RGS7: variants seen among roughly 807,000 people sequenced by gnomAD.
The protein encoded by RGS7 is regulator of G protein signaling 7, also known as regulator of G-protein signaling 7.
In RGS7, 27 loss-of-function variants were observed where a neutral mutation model predicts 81.1. The observed-to-expected ratio is 0.33, with a 90% CI of 0.25 to 0.46. The LOEUF is 0.46. Among genes scored for constraint, RGS7 ranks in the 20% least tolerant of loss-of-function variants. The pLI, the probability that RGS7 is intolerant of heterozygous loss-of-function variation, is 1.00. For synonymous variants in RGS7, 208 were observed against 207.7 expected (o/e 1.00, Z -0.01); for missense variants, 396 against 607.4 (o/e 0.65, Z 3.66).
intron 2 of RGS7, among the ~76,000 whole-genome samples, chr1:241,301,691 T>C (rs1051957046): frequency 1.3e-5 from 2 of 152,362 alleles, no homozygotes. Context: ...CTGATCTAAC[T>C]ATAATTCTTT....
chr1:241,307,008 G>A (rs2080215935), intron 2 of RGS7, among the ~76,000 whole-genome samples: 1 of 152,200 alleles, frequency 6.6e-6, no homozygotes, highest in South Asian at 2.1e-4. Context: ...GTACTTGCAG[G>A]CAAATCAGTA....
chr1:240,995,989 A>T (rs1687226554), intron 3 of RGS7, among the ~76,000 whole-genome samples: 1 of 151,722 alleles, frequency 6.6e-6, no homozygotes, highest in East Asian at 1.9e-4. Context: ...AGTGTTCCAC[A>T]AATTGACATG....
rs1234823740 is a variant in RGS7, at chr1:241,144,692, T to G, written c.79-45930A>C. On this transcript the variant is annotated intron_variant, in intron 2 of 18. Transcript: ENST00000440928. This position sits in a 1 kb window ranked among gnomAD's most constrained non-coding sequence, Gnocchi z 4.7. The stretch of plus-strand genomic sequence containing the variant: ...CATGGAGGGATGCTAAACTTGGTAT[T>G]TGAAATCTGTTTTTCCTCACGGCAG... Among the ~76,000 whole-genome samples, 1 of 152,156 alleles carries G rather than the reference T, an allele frequency of 6.6e-6. No individual in the cohort carries two copies. The highest frequency in any genetic ancestry group is 1.5e-5 in the Non-Finnish European group (1 of 68,028).
intron 2 of RGS7, among the ~76,000 whole-genome samples, chr1:241,134,055 A>C (rs2067310478): frequency 6.6e-6 from 1 of 152,168 alleles, no homozygotes; most frequent in Non-Finnish European, 1.5e-5. Flanking sequence ...GGATCTAATA[A>C]AGCATCCCAT....
At chr1:240,891,529 G>T (rs1207514608) in intron 6 of RGS7, among the ~76,000 whole-genome samples, 1 of 151,914 alleles carries the variant, frequency 6.6e-6, no homozygotes, top group Non-Finnish European at 1.5e-5. Context: ...TTAAAATGAA[G>T]TCATTTTTTT....
intron 2 of RGS7, among the ~76,000 whole-genome samples, chr1:241,136,531 GA>G (rs1312166001): frequency 6.6e-6 from 1 of 152,116 alleles, no homozygotes; most frequent in Non-Finnish European, 1.5e-5. Context: ...GTCCCACAGT[GA>G]GGGGCCACGT....
intron 4 of RGS7, among the ~76,000 whole-genome samples, chr1:240,942,001 A>AT (rs1217972105): frequency 2.0e-5 from 3 of 151,926 alleles, no homozygotes; most frequent in Admixed American, 6.6e-5. Flanking sequence ...ATTCCAGCTT[A>AT]TTTTTTTGTT....
intron 3 of RGS7, among the ~76,000 whole-genome samples, chr1:240,992,944 G>A (rs1686681907): frequency 6.6e-6 from 1 of 151,914 alleles, no homozygotes; most frequent in Admixed American, 6.6e-5. Context: ...GAACCCAGGA[G>A]GCAGAGGTTG....
intron 2 of RGS7, among the ~76,000 whole-genome samples, chr1:241,238,191 G>C (rs1226593725): frequency 6.6e-6 from 1 of 152,138 alleles, no homozygotes; most frequent in Admixed American, 6.5e-5. Context: ...GAGTGCCTAG[G>C]GCTGACCGAC....
intron 9 of RGS7, among the ~76,000 whole-genome samples, chr1:240,854,885 A>G (rs1660783694): frequency 6.6e-6 from 1 of 152,160 alleles, no homozygotes; most frequent in Non-Finnish European, 1.5e-5. Flanking sequence ...TCCCCTAAGT[A>G]TGCAGTGCTT....
intron 2 of RGS7, among the ~76,000 whole-genome samples, chr1:241,111,032 A>G (rs1280356041): frequency 6.6e-6 from 1 of 152,194 alleles, no homozygotes; most frequent in African/African-American, 2.4e-5. Flanking sequence ...GGGTCTCACA[A>G]TACCTCCACG....
downstream of RGS7, chr1:240,775,467 G>C (rs1313618350): frequency 6.6e-6 from 1 of 152,300 alleles, no homozygotes; most frequent in Non-Finnish European, 1.5e-5. Flanking sequence ...GGATTTCTCA[G>C]CATTTTCCTT....
chr1:241,039,830 C>T (rs985643387), intron 3 of RGS7, among the ~76,000 whole-genome samples: 1 of 152,118 alleles, frequency 6.6e-6, no homozygotes, highest in Non-Finnish European at 1.5e-5. Flanking sequence ...ATCTATGAAT[C>T]GCCACTTGGA....
At chr1:241,168,575 C>T (rs2103244670) in intron 2 of RGS7, among the ~76,000 whole-genome samples, 1 of 152,218 alleles carries the variant, frequency 6.6e-6, no homozygotes, top group Admixed American at 6.5e-5. Context: ...TTATCACTCC[C>T]CTGACTACGT....
At chr1:241,052,549 A>G (rs1033388469) in intron 3 of RGS7, among the ~76,000 whole-genome samples, 1 of 152,152 alleles carries the variant, frequency 6.6e-6, no homozygotes, top group African/African-American at 2.4e-5. Flanking sequence ...TGTATGCCTT[A>G]GCTTGACCTT....
chr1:241,028,831 A>G (rs2059921434), intron 3 of RGS7, among the ~76,000 whole-genome samples: 1 of 152,196 alleles, frequency 6.6e-6, no homozygotes, highest in Non-Finnish European at 1.5e-5. Flanking sequence ...TCATAATGAC[A>G]TAAATCATAA....
chr1:240,946,274 A>T (rs1299630884), intron 4 of RGS7, among the ~76,000 whole-genome samples: 2 of 151,992 alleles, frequency 1.3e-5, no homozygotes, highest in East Asian at 3.9e-4. Flanking sequence ...TATTTTTTGT[A>T]ATTAGCCAGA....
At chr1:240,907,836 G>A (rs892806371) in intron 6 of RGS7, among the ~76,000 whole-genome samples, 6 of 152,100 alleles carry the variant, frequency 3.9e-5, no homozygotes, top group South Asian at 2.1e-4. Flanking sequence ...GAAACATGGC[G>A]TCTTGTCGGC....
intron 3 of RGS7, among the ~76,000 whole-genome samples, chr1:241,048,398 A>C (rs1250132987): frequency 6.6e-6 from 1 of 152,166 alleles, no homozygotes; most frequent in Non-Finnish European, 1.5e-5. Context: ...TGTTTTCTTC[A>C]TATCTCCCCC....
Sources: gnomAD v4.1 joint callset for allele counts (sites outside exome capture counted in the v4.1 genomes callset) on GRCh38, gnomAD v4.1.1 for gene constraint, Gnocchi (gnomAD v3.1) non-coding constraint, MANE v1.5 for transcripts, NCBI Gene and HGNC (gene_info 2026-07-23, HGNC 2026-07-21) for gene names.